The following COL5A2 variants were observed in gnomAD, a reference collection of about 807,000 sequenced individuals.
COL5A2 encodes collagen type V alpha 2 chain.
Under a neutral mutation model 208.2 loss-of-function variants are expected in COL5A2, and 23 were observed. That is an observed-to-expected ratio of 0.11 (90% CI 0.08 to 0.16). The LOEUF (loss-of-function observed/expected upper bound fraction) is 0.16, where lower values mean the gene tolerates loss of function less well. Ranked by LOEUF, COL5A2 falls within the 10% of genes least tolerant of loss-of-function variation. The pLI, the probability that COL5A2 is intolerant of heterozygous loss-of-function variation, is 1.00. For synonymous variants in COL5A2, 625 were observed against 628.5 expected, an observed-to-expected ratio of 0.99 and a Z score of 0.08; for missense variants, 1,590 against 1,956.4, an observed-to-expected ratio of 0.81 and a Z score of 3.53.
chr2:189,161,498 C>G (rs1576565472), intron 1 of COL5A2, among the ~76,000 whole-genome samples: 1 of 152,088 alleles, frequency 6.6e-6, no homozygotes, highest in Non-Finnish European at 1.5e-5. Context: ...ACCAAAGATG[C>G]TAAATATAGC....
upstream of COL5A2, chr2:189,179,922 C>A (rs937551216): frequency 9.5e-6 from 5 of 527,808 alleles, no homozygotes; most frequent in African/African-American, 1.9e-5. Context: ...CGTCTCTGTG[C>A]CTGAACTTTC....
Position 189,042,730 on chromosome 2 carries a change from A to G in COL5A2, c.3515T>C (p.Phe1172Ser). Residue 1172 changes from phenylalanine (F) to serine (S), a missense_variant, in exon 49 of 54, where the codon TTT becomes TCT. By Grantham distance (155) the Phe-to-Ser change is radical (BLOSUM62 -2). Coordinates refer to ENST00000374866, the MANE Select transcript of COL5A2 (RefSeq NM_000393.5). Reference protein sequence around the residue: ...EQGSAGIPGPFGPRGPPGPVG... With the variant: ...EQGSAGIPGPSGPRGPPGPVG... ...CTTTTTGTTACTTACTCTTGGGCCA[A>G]ATGGTCCAGGGATTCCAGCACTTCC... 1 of 1,607,922 alleles carries G rather than the reference A, an allele frequency of 6.2e-7. No homozygotes were observed. Among genetic ancestry groups the G allele is most frequent in the East Asian group, 2.2e-5 (1 of 44,848 alleles).
rs139189200 is a variant in COL5A2, at chr2:189,061,582, G to A, written c.2011C>T (p.Pro671Ser). 1,206 of 1,613,340 alleles carry A rather than the reference G, an allele frequency of 7.5e-4. 7 individuals carry two copies. The highest frequency in any genetic ancestry group is 2.0e-4 in the Non-Finnish European group (231 of 1,179,538). ...CATACCTGAAAACCTGTGGGGCCTG[G>A]AGGTCCTTGTTCTCCTCTTTCACCA... is the stretch of plus-strand genomic sequence containing the variant. ...LAGERGEQGP[P>S]GPTGFQGLPG... is the part of the protein sequence containing the mutation. The change falls in exon 30 of 54, where the codon CCA becomes TCA. Residue 671 changes from proline (P) to serine (S), a missense_variant. Coordinates refer to ENST00000374866, the MANE Select transcript of COL5A2 (RefSeq NM_000393.5).
At chr2:189,353,355 C>CA in the COL5A2 span, among the ~76,000 whole-genome samples, 14 of 152,136 alleles carry the variant, frequency 9.2e-5, no homozygotes, top group African/African-American at 3.4e-4. Context: ...ACGGAGATAG[C>CA]AAAGAATCTA....
At chr2:189,326,270 T>A in the COL5A2 span, among the ~76,000 whole-genome samples, 71 of 152,262 alleles carry the variant, frequency 4.7e-4, no homozygotes, top group Non-Finnish European at 8.5e-4. Flanking sequence ...AAACAAGCAA[T>A]TCAATTAATA....
At position 189,033,227 on chromosome 2, in the gene COL5A2, T is replaced by C. The variant is rs545935162; in HGVS notation, c.*843A>G. 6.5e-6 allele frequency: 1 copy of C among 152,716 alleles called. No homozygotes were observed. Among genetic ancestry groups the C allele is most frequent in the African/African-American group, 2.4e-5 (1 of 41,580 alleles). 9.5% of individuals were successfully genotyped at this position (152,716 alleles called of 1,614,324 possible). ...ACATATGTTTGTAAAGTTCTATATG[T>C]CAATTATTTTGCATTCAATATCTTC... is the stretch of plus-strand genomic sequence containing the variant. On this transcript the variant is annotated 3_prime_UTR_variant, in exon 54 of 54. Transcript: ENST00000374866.
the COL5A2 span, among the ~76,000 whole-genome samples, chr2:189,416,897 T>C: frequency 6.6e-6 from 1 of 152,216 alleles, no homozygotes; most frequent in South Asian, 2.1e-4. Flanking sequence ...TTTTGTTCAA[T>C]GCATAAGATA....
the COL5A2 span, among the ~76,000 whole-genome samples, chr2:189,395,751 A>C: frequency 6.6e-6 from 1 of 151,216 alleles, no homozygotes; most frequent in Non-Finnish European, 1.5e-5. Flanking sequence ...TAAAAATACA[A>C]AAAAAAATTA....
intron 1 of COL5A2, among the ~76,000 whole-genome samples, chr2:189,146,300 G>C (rs1688039195): frequency 1.3e-5 from 2 of 152,066 alleles, no homozygotes; most frequent in Admixed American, 6.6e-5. Flanking sequence ...ATGGGCTACA[G>C]GGACACTATT....
At chr2:189,256,000 C>T in the COL5A2 span, among the ~76,000 whole-genome samples, 8 of 152,210 alleles carry the variant, frequency 5.3e-5, no homozygotes, top group Admixed American at 2.6e-4. Context: ...GGCCAGAGGA[C>T]GTGGCATGAT....
chr2:189,353,245 T>C, the COL5A2 span, among the ~76,000 whole-genome samples: 1 of 152,230 alleles, frequency 6.6e-6, no homozygotes, highest in Non-Finnish European at 1.5e-5. Context: ...TTTGTTCTTT[T>C]TGCTTAGGAA....
the COL5A2 span, among the ~76,000 whole-genome samples, chr2:189,416,213 A>G: frequency 3.3e-5 from 5 of 152,312 alleles, no homozygotes; most frequent in African/African-American, 1.2e-4. Flanking sequence ...ATTACTGGGT[A>G]TATACCCAAA....
At chr2:189,373,039 T>C in the COL5A2 span, among the ~76,000 whole-genome samples, 1 of 152,152 alleles carries the variant, frequency 6.6e-6, no homozygotes, top group South Asian at 2.1e-4. Context: ...AGTTGACATA[T>C]TTTTAAAAAC....
At chr2:189,166,008 A>G (rs1162298303) in intron 1 of COL5A2, among the ~76,000 whole-genome samples, 3 of 152,042 alleles carry the variant, frequency 2.0e-5, no homozygotes, top group Non-Finnish European at 1.5e-5. Context: ...AAAATAGAAG[A>G]GTCAAAGAAC....
chr2:189,066,604 CA>C, intron 22 of COL5A2, 107 bp from the exon 23 acceptor site: 1 of 1,351,052 alleles, frequency 7.4e-7, no homozygotes. Context: ...GTATATGGAA[CA>C]ATGAGATATT....
intron 13 of COL5A2, among the ~76,000 whole-genome samples, chr2:189,080,584 T>C (rs1016122087): frequency 6.6e-6 from 1 of 152,166 alleles, no homozygotes; most frequent in Non-Finnish European, 1.5e-5. Context: ...GGCATTCTAT[T>C]GCTTTCCAAG....
At chr2:189,334,333 T>C in the COL5A2 span, among the ~76,000 whole-genome samples, 5 of 151,932 alleles carry the variant, frequency 3.3e-5, no homozygotes, top group Admixed American at 3.3e-4. Flanking sequence ...GATAACATTA[T>C]GGTATATGAA....
chr2:189,379,278 C>A, the COL5A2 span, among the ~76,000 whole-genome samples: 22 of 152,228 alleles, frequency 1.4e-4, no homozygotes, highest in African/African-American at 5.1e-4. Flanking sequence ...GTAAATGATT[C>A]AAGGCTGTAG....
rs1686939503 is a variant in COL5A2, at chr2:189,097,324, G to A, written c.409C>T (p.Pro137Ser). Reference sequence around the variant, plus strand: ...TCTCCTCTTGGTCCCTGTGATCCTGGAGGTCCCTAAAACAGAAAATGATGA... The same window carrying A: ...TCTCCTCTTGGTCCCTGTGATCCTGAAGGTCCCTAAAACAGAAAATGATGA... Reference protein sequence around the residue: ...IRGRPGPAGPPGSQGPRGERG... With the variant: ...IRGRPGPAGPSGSQGPRGERG... Residue 137 changes from proline to serine, a missense_variant, in exon 6 of 54, where the codon CCA (proline) becomes TCA (serine). Physicochemically the swap from Pro to Ser is moderately conservative, Grantham distance 74 (BLOSUM62 -1). Coordinates refer to ENST00000374866, the MANE Select transcript of COL5A2 (RefSeq NM_000393.5). 6.2e-7 allele frequency: 1 copy of A among 1,613,906 alleles called. No individual in the cohort carries two copies. Among genetic ancestry groups the A allele is most frequent in the Non-Finnish European group, 8.5e-7 (1 of 1,180,010 alleles).
Sources: gnomAD v4.1 joint callset for allele counts (sites outside exome capture counted in the v4.1 genomes callset) on GRCh38, gnomAD v4.1.1 for gene constraint, MANE v1.5 for transcripts, NCBI Gene and HGNC (gene_info 2026-07-23, HGNC 2026-07-21) for gene names.